MYLK4: variants seen among roughly 807,000 people sequenced by gnomAD.
MYLK4 encodes the protein myosin light chain kinase family member 4.
Under a neutral mutation model 48.1 loss-of-function variants are expected in MYLK4, and 46 were observed. The ratio of observed to expected loss-of-function variants is 0.96; its 90% CI spans 0.75 to 1.22. MYLK4 has a LOEUF of 1.22. Among genes scored for constraint, MYLK4 ranks in the 50% most tolerant of loss-of-function variants. MYLK4 has a pLI of 0.00. For missense variants in MYLK4, 451 were observed against 486.1 expected (o/e 0.93, Z 0.68); for synonymous variants, 170 against 180.8 (o/e 0.94, Z 0.48).
chr6:2,680,493 C>A, intron 7 of MYLK4: 1 of 985,414 alleles, frequency 1.0e-6, no homozygotes, highest in Non-Finnish European at 1.2e-6. Flanking sequence ...CCTGCATTAT[C>A]CAGCCTGTCC....
rs538159117 is a variant in MYLK4 at position 2,702,708 on chromosome 6, T to G, written c.160-9849A>C. Among the ~76,000 whole-genome samples, 17 of 152,304 alleles carry G rather than the reference T, an allele frequency of 1.1e-4. No individual in the cohort carries two copies. In the Middle Eastern group the frequency reaches 0.014, roughly 122 times the overall value. ...GTGGTAGATGTGTGAATTAGCTTGA[T>G]TGACCCTTTCTACAATGTATACATA... On this transcript the variant is annotated intron_variant, in intron 2 of 12. Transcript: ENST00000274643.
intron 10 of MYLK4, among the ~76,000 whole-genome samples, chr6:2,676,938 A>C (rs998024349): frequency 6.6e-5 from 10 of 152,186 alleles, no homozygotes; most frequent in African/African-American, 1.9e-4. Flanking sequence ...AAGGGTTGAC[A>C]GTTTCCATCT....
chr6:2,698,723 T>C (rs565354775), intron 2 of MYLK4, among the ~76,000 whole-genome samples: 1 of 152,334 alleles, frequency 6.6e-6, no homozygotes, highest in South Asian at 2.1e-4. Flanking sequence ...ATGAAAACAT[T>C]TTCTTGCCTG....
intron 2 of MYLK4, among the ~76,000 whole-genome samples, chr6:2,721,456 A>T (rs368306036): frequency 6.6e-6 from 1 of 152,200 alleles, no homozygotes; most frequent in African/African-American, 2.4e-5. Flanking sequence ...AGGGGATCCA[A>T]TTTCTTTCAG....
At chr6:2,668,104 AC>A (rs1277236294) in intron 12 of MYLK4, among the ~76,000 whole-genome samples, 2 of 130,820 alleles carry the variant, frequency 1.5e-5, no homozygotes, top group Admixed American at 7.5e-5. Flanking sequence ...TTTGTGCAAG[AC>A]ATTTTTTTTT....
At chr6:2,765,364 T>G in the MYLK4 span, 2 of 314,598 alleles carry the variant, frequency 6.4e-6, no homozygotes, top group Admixed American at 5.2e-5. Context: ...GCGAGGCGCC[T>G]CCGCCGCCGG....
the MYLK4 span, among the ~76,000 whole-genome samples, chr6:2,758,391 A>G: frequency 6.6e-6 from 1 of 151,356 alleles, no homozygotes; most frequent in Non-Finnish European, 1.5e-5. Context: ...TTTTGATAAT[A>G]TAAATAACAA....
At chr6:2,740,477 G>A (rs112470816) in intron 2 of MYLK4, among the ~76,000 whole-genome samples, 51 of 152,204 alleles carry the variant, frequency 3.4e-4, no homozygotes, top group Non-Finnish European at 4.6e-4. Context: ...GATGGCGCCC[G>A]GGGAATCAGT....
intron 2 of MYLK4, among the ~76,000 whole-genome samples, chr6:2,747,743 T>C (rs1160451866): frequency 2.6e-5 from 4 of 152,204 alleles, no homozygotes; most frequent in Non-Finnish European, 2.9e-5. Flanking sequence ...GAAATTCATA[T>C]AAACTATTAC....
chr6:2,669,475 C>G (rs1181924871), intron 12 of MYLK4, among the ~76,000 whole-genome samples: 1 of 152,216 alleles, frequency 6.6e-6, no homozygotes, highest in Non-Finnish European at 1.5e-5. Context: ...GGAATGCAAC[C>G]CTGGCACCCA....
At chr6:2,692,983 G>A in intron 2 of MYLK4, 124 bp from the exon 3 acceptor site, 1 of 855,438 alleles carries the variant, frequency 1.2e-6, no homozygotes, top group Admixed American at 2.4e-5. Flanking sequence ...TTACAGGACA[G>A]CAGCATCACT....
intron 2 of MYLK4, among the ~76,000 whole-genome samples, chr6:2,726,122 T>C (rs9285963): frequency 0.27 from 41,453 of 152,116 alleles, 5,881 homozygotes; most frequent in Admixed American, 0.31. Context: ...GTTGCAAACA[T>C]CTCATGGAGT....
chr6:2,671,649 G>T lies in MYLK4; in HGVS notation c.1120-301C>A, dbSNP rs111469986. 7.6e-3 allele frequency among the ~76,000 whole-genome samples: 1,165 copies of T among 152,302 alleles called. 11 individuals carry two copies. The highest frequency in any genetic ancestry group is 0.026 in the African/African-American group (1,063 of 41,556). On this transcript the variant is annotated intron_variant, in intron 11 of 12. Transcript: ENST00000274643. ...GTATGTTTTGCAAAAACTCACGCGT[G>T]TATAGCACAAGAATGCTCTATCACT...
chr6:2,681,093 C>A (rs1174820193), intron 7 of MYLK4, among the ~76,000 whole-genome samples: 1 of 152,014 alleles, frequency 6.6e-6, no homozygotes, highest in East Asian at 1.9e-4. Context: ...AAAGTCAAGG[C>A]CATTTATAAA....
At chr6:2,683,300 A>G (rs775887230) in intron 6 of MYLK4, 138 bp from the exon 7 acceptor site, 14 of 868,488 alleles carry the variant, frequency 1.6e-5, no homozygotes, top group South Asian at 3.4e-5. Flanking sequence ...CTTCTTTACT[A>G]TCTTACTTAG....
At position 2,685,435 on chromosome 6, in the gene MYLK4, G is replaced by A; in HGVS notation, c.436-30C>T. Reference sequence around the variant, plus strand: ...GAAGCAGGAAACAGTGCATTAGTGTGGTCAAGATGGGGCGGGGAGGGAGGG... The same window carrying A: ...GAAGCAGGAAACAGTGCATTAGTGTAGTCAAGATGGGGCGGGGAGGGAGGG... On this transcript the variant is annotated intron_variant, in intron 5 of 12. Coordinates refer to ENST00000274643, the MANE Select transcript of MYLK4 (RefSeq NM_001012418.5). The surrounding 1 kb of genome is among the most constrained non-coding windows in gnomAD (Gnocchi z 4.5). The A allele has an allele frequency of 6.2e-7, 1 of 1,606,822 alleles. No individual in the cohort carries two copies. Among genetic ancestry groups the A allele is most frequent in the African/African-American group, 1.3e-5 (1 of 74,862 alleles).
intron 11 of MYLK4, among the ~76,000 whole-genome samples, chr6:2,674,487 A>G (rs1301059489): frequency 6.6e-6 from 1 of 152,262 alleles, no homozygotes; most frequent in Non-Finnish European, 1.5e-5. Flanking sequence ...AATTCATTTT[A>G]TAATGGATAC....
At chr6:2,758,866 A>G in the MYLK4 span, among the ~76,000 whole-genome samples, 1 of 152,200 alleles carries the variant, frequency 6.6e-6, no homozygotes, top group Admixed American at 6.5e-5. Context: ...TACAAAATGT[A>G]TGTGTTTATT....
chr6:2,764,632 C>A, the MYLK4 span, among the ~76,000 whole-genome samples: 3 of 152,198 alleles, frequency 2.0e-5, no homozygotes, highest in African/African-American at 7.2e-5. Flanking sequence ...GATATTCTTT[C>A]CATTTCTATC....
Sources: allele counts gnomAD v4.1 joint callset (sites outside exome capture counted in the v4.1 genomes callset), GRCh38; gene constraint gnomAD v4.1.1; non-coding constraint Gnocchi (gnomAD v3.1); transcripts MANE v1.5; gene names NCBI Gene and HGNC (gene_info 2026-07-23, HGNC 2026-07-21).